The following DCHS2 variants were observed in gnomAD, a reference collection of about 807,000 sequenced individuals.
DCHS2 encodes the protein dachsous cadherin-related 2, also known as protocadherin-23.
DCHS2 carries 142 observed loss-of-function variants against 182.4 expected under a neutral mutation model. That is an observed-to-expected ratio of 0.78 (90% CI 0.68 to 0.89). The LOEUF is 0.89. Ranked by LOEUF, DCHS2 falls within the 40% of genes least tolerant of loss-of-function variation. DCHS2 has a pLI of 0.00. For synonymous variants in DCHS2, 1,740 were observed against 1,663.3 expected, an observed-to-expected ratio of 1.05 and a Z score of -1.12; for missense variants, 4,319 against 4,198.6, an observed-to-expected ratio of 1.03 and a Z score of -0.79.
chr4:154,320,952 C>T lies in DCHS2; in HGVS notation c.4447G>A (p.Asp1483Asn). ...SHYLFRVITT[D>N]HSKNLSLSST... Reference sequence around the variant, plus strand: ...CTCAGGGAAAGGTTTTTGCTATGGTCTGTAGTAATCACTCTGAAAAGATAA... The same window carrying T: ...CTCAGGGAAAGGTTTTTGCTATGGTTTGTAGTAATCACTCTGAAAAGATAA... The change falls in exon 9 of 20, where the codon GAC becomes AAC. Residue 1483 changes from aspartate (D) to asparagine (N), a missense_variant. Transcript: ENST00000357232. 1 of 1,614,044 alleles carries T rather than the reference C, an allele frequency of 6.2e-7. No homozygotes were observed. The highest frequency in any genetic ancestry group is 1.1e-5 in the South Asian group (1 of 91,068).
intron 9 of DCHS2, among the ~76,000 whole-genome samples, chr4:154,318,024 A>G (rs1176880344): frequency 1.3e-5 from 2 of 152,148 alleles, no homozygotes; most frequent in Admixed American, 1.3e-4. Context: ...GATTTGTCAT[A>G]CTGCTACCTG....
intron 1 of DCHS2, among the ~76,000 whole-genome samples, chr4:154,414,179 TTATA>T (rs759077609): frequency 6.8e-5 from 10 of 147,416 alleles, no homozygotes; most frequent in East Asian, 3.9e-4. Flanking sequence ...AATAAATCAA[TTATA>T]TATATATATA....
chr4:154,305,996 C>T (rs1344371477), intron 10 of DCHS2, among the ~76,000 whole-genome samples: 1 of 152,136 alleles, frequency 6.6e-6, no homozygotes, highest in East Asian at 1.9e-4. Flanking sequence ...ACACACAGTA[C>T]TGAGAATATA....
rs910791432 is a variant in DCHS2, at chr4:154,305,971, C to A, written c.5261-740G>T. Among the ~76,000 whole-genome samples the A allele has an allele frequency of 2.6e-5, 4 of 152,184 alleles. No individual in the cohort carries two copies. In the East Asian group the frequency reaches 5.8e-4, roughly 22 times the overall value. Reference sequence around the variant, plus strand: ...TTTCCTATGTTCCTTTCTTAACTGACAAGAATCTAGGTGTACACACAGTAC... The same window carrying A: ...TTTCCTATGTTCCTTTCTTAACTGAAAAGAATCTAGGTGTACACACAGTAC... On this transcript the variant is annotated intron_variant, in intron 10 of 19. Coordinates refer to ENST00000357232, the MANE Select transcript of DCHS2 (RefSeq NM_001358235.2).
At position 154,491,782 on chromosome 4, in the gene DCHS2, C is replaced by T; in HGVS notation, c.-427G>A. The T allele has an allele frequency of 1.0e-6, 1 of 981,996 alleles. No individual in the cohort carries two copies. The allele number at this position is 981,996 out of a possible 1,614,324, so 60.8% of individuals were successfully genotyped here. A position where few individuals can be genotyped will look rare whatever the true frequency, so the allele number is the denominator to read the frequency against. ...CACAAGGAGAGGATGGGGATCTGGC[C>T]GGAGTAGGGGGTGGAGTAAGGGCGT... On this transcript the variant is annotated 5_prime_UTR_variant, in exon 1 of 20. Coordinates refer to ENST00000357232, the MANE Select transcript of DCHS2 (RefSeq NM_001358235.2).
Position 154,447,093 on chromosome 4 carries a change from A to G in DCHS2, c.2052+42211T>C, listed in dbSNP as rs894699352. On this transcript the variant is annotated intron_variant, in intron 1 of 19. Transcript: ENST00000357232. ...GATTACTTAAGGTCAGGAGTTCGAG[A>G]CCAGCCTGAACAACACGGCGAAACC... Among the ~76,000 whole-genome samples the G allele has an allele frequency of 5.9e-5, 9 of 152,100 alleles. No individual in the cohort carries two copies. In the South Asian group the frequency reaches 1.5e-3, roughly 25 times the overall value.
At chr4:154,381,296 T>C (rs1260728780) in intron 1 of DCHS2, among the ~76,000 whole-genome samples, 1 of 152,114 alleles carries the variant, frequency 6.6e-6, no homozygotes, top group Non-Finnish European at 1.5e-5. Flanking sequence ...GATGGAAACA[T>C]TATAAAAATG....
intron 3 of DCHS2, among the ~76,000 whole-genome samples, chr4:154,345,299 T>C (rs1012402423): frequency 1.3e-5 from 2 of 152,258 alleles, no homozygotes; most frequent in Non-Finnish European, 2.9e-5. Context: ...CTTTTCTGTC[T>C]TCCATTATCC....
chr4:154,391,348 A>AT (rs1191085494), intron 1 of DCHS2: 2 of 1,545,976 alleles, frequency 1.3e-6, no homozygotes, highest in Non-Finnish European at 8.7e-7. Context: ...TGTCTCTGGC[A>AT]TGAACCCTTT....
rs1352003856 is a variant in DCHS2, at chr4:154,270,032, A to T, written c.6464-19T>A. On this transcript the variant is annotated intron_variant, in intron 13 of 19. Coordinates refer to ENST00000357232, the MANE Select transcript of DCHS2 (RefSeq NM_001358235.2). ...GAAGTACCTGTAAAAATTAGGTAAAAAAAGAACTCCATTAGGATAAAAAAA... is the reference window on the plus strand; with the variant it reads ...GAAGTACCTGTAAAAATTAGGTAAATAAAGAACTCCATTAGGATAAAAAAA... 6.9e-6 allele frequency: 11 copies of T among 1,584,408 alleles called. No individual in the cohort carries two copies. The highest frequency in any genetic ancestry group is 2.0e-5 in the Admixed American group (1 of 50,926).
chr4:154,419,133 A>G (rs1458034502), intron 1 of DCHS2, among the ~76,000 whole-genome samples: 1 of 152,272 alleles, frequency 6.6e-6, no homozygotes, highest in African/African-American at 2.4e-5. Flanking sequence ...CGCATTTTGC[A>G]AAATGGTAAA....
Position 154,232,008 on chromosome 4 carries a change from A to T in DCHS2, c.*2528T>A, listed in dbSNP as rs2111066818. The T allele has an allele frequency of 6.6e-6, 1 of 152,238 alleles. No individual in the cohort carries two copies. The highest frequency in any genetic ancestry group is 2.4e-5 in the African/African-American group (1 of 41,544). The allele number at this position is 152,238 out of a possible 1,614,324, so 9.4% of individuals were successfully genotyped here. The stretch of plus-strand genomic sequence containing the variant: ...AGTATTTTTAAGGCTGCCAACAAGA[A>T]AGTCCAGAATTTCATCAGGCAGCCA... On this transcript the variant is annotated 3_prime_UTR_variant, in exon 20 of 20. Transcript: ENST00000357232.
chr4:154,258,623 T>C (rs914620261), intron 15 of DCHS2, among the ~76,000 whole-genome samples: 57 of 152,100 alleles, frequency 3.7e-4, no homozygotes, highest in African/African-American at 1.4e-3. Context: ...GTGATCCACC[T>C]GCCTTGGCCT....
At chr4:154,302,490 G>A (rs1165874498) in intron 12 of DCHS2, among the ~76,000 whole-genome samples, 1 of 152,264 alleles carries the variant, frequency 6.6e-6, no homozygotes, top group Non-Finnish European at 1.5e-5. Context: ...GGAAGGGCAG[G>A]TTTAGCAGAC....
intron 3 of DCHS2, 89 bp from the exon 4 acceptor site, chr4:154,335,193 G>C: frequency 1.1e-6 from 1 of 876,678 alleles, no homozygotes; most frequent in East Asian, 2.4e-5. Context: ...TAAGTGTATT[G>C]TGATGTTTTA....
intron 3 of DCHS2, among the ~76,000 whole-genome samples, chr4:154,352,202 TTTC>T (rs1729652149): frequency 6.6e-6 from 1 of 152,196 alleles, no homozygotes; most frequent in Non-Finnish European, 1.5e-5. Flanking sequence ...CTTCCAAGAA[TTTC>T]TGGTTCCCCG....
At chr4:154,293,017 A>G (rs913121140) in intron 13 of DCHS2, among the ~76,000 whole-genome samples, 9 of 152,152 alleles carry the variant, frequency 5.9e-5, no homozygotes, top group African/African-American at 1.9e-4. Flanking sequence ...TTTTAGATAC[A>G]TTATTTGATC....
chr4:154,476,793 T>C (rs1735702336), intron 1 of DCHS2, among the ~76,000 whole-genome samples: 1 of 152,200 alleles, frequency 6.6e-6, no homozygotes, highest in Admixed American at 6.5e-5. Context: ...TATCAGGAAA[T>C]GTCAGGTTCT....
intron 1 of DCHS2, among the ~76,000 whole-genome samples, chr4:154,393,968 A>T (rs1360687266): frequency 6.6e-6 from 1 of 152,202 alleles, no homozygotes; most frequent in Non-Finnish European, 1.5e-5. Context: ...ATACGCAAGA[A>T]TTCAAGGAAT....
Sources: allele counts gnomAD v4.1 joint callset (sites outside exome capture counted in the v4.1 genomes callset), GRCh38; gene constraint gnomAD v4.1.1; transcripts MANE v1.5; gene names NCBI Gene and HGNC (gene_info 2026-07-23, HGNC 2026-07-21).